The following FBXL2 variants were observed in gnomAD, a reference collection of about 807,000 sequenced individuals.
The protein encoded by FBXL2 is F-box and leucine rich repeat protein 2.
A neutral mutation model predicts 69.2 loss-of-function variants in FBXL2; 38 were observed. The observed-to-expected ratio is 0.55, with a 90% CI of 0.42 to 0.72. FBXL2 has a LOEUF of 0.72. FBXL2 is among the 30% of genes least tolerant of loss of function. FBXL2 has a pLI of 0.00. For synonymous variants in FBXL2, 192 were observed against 201.3 expected, an observed-to-expected ratio of 0.95 and a Z score of 0.39; for missense variants, 354 against 520.3, an observed-to-expected ratio of 0.68 and a Z score of 3.11.
chr3:33,375,191 G>C, intron 9 of FBXL2, 97 bp from the exon 10 acceptor site: 1 of 1,484,254 alleles, frequency 6.7e-7, no homozygotes, highest in Non-Finnish European at 9.2e-7. Context: ...CTAGTAATCA[G>C]CAACCAAAAC....
intron 2 of FBXL2, among the ~76,000 whole-genome samples, chr3:33,357,473 G>T (rs1357254436): frequency 6.8e-6 from 1 of 147,752 alleles, no homozygotes; most frequent in Non-Finnish European, 1.5e-5. Context: ...GAATATGTAT[G>T]TTTAAGTACA....
intron 2 of FBXL2, among the ~76,000 whole-genome samples, chr3:33,332,769 C>T (rs145612537): frequency 3.3e-5 from 5 of 152,060 alleles, no homozygotes; most frequent in Non-Finnish European, 4.4e-5. Context: ...GATTGTAACA[C>T]GGTGGTATTT....
intron 2 of FBXL2, among the ~76,000 whole-genome samples, chr3:33,350,016 A>G (rs1329192738): frequency 6.6e-6 from 1 of 152,220 alleles, no homozygotes. Context: ...GGGAAATGGA[A>G]GCAGAAGACT....
At position 33,323,965 on chromosome 3, in the gene FBXL2, T is replaced by C. The variant is rs183373083; in HGVS notation, c.65+26240T>C. ...CTATTTCTCCACATCCTCTCCAGCATCTGTTGTTTCCTGACTTTTTAATGA... is the reference window on the plus strand; with the variant it reads ...CTATTTCTCCACATCCTCTCCAGCACCTGTTGTTTCCTGACTTTTTAATGA... On this transcript the variant is annotated intron_variant, in intron 2 of 14. Coordinates refer to ENST00000484457, the MANE Select transcript of FBXL2 (RefSeq NM_012157.5). Among the ~76,000 whole-genome samples the C allele has an allele frequency of 4.6e-5, 7 of 152,278 alleles. 1 individual carries two copies. The highest frequency in any genetic ancestry group is 1.7e-4 in the African/African-American group (7 of 41,558).
rs111740714 is a variant in FBXL2, at chr3:33,293,012, G to T, written c.4-4652G>T. Among the ~76,000 whole-genome samples the T allele has an allele frequency of 3.8e-3, 574 of 152,284 alleles. 2 individuals carry two copies. Among genetic ancestry groups the T allele is most frequent in the South Asian group, 0.019 (92 of 4,822 alleles). On this transcript the variant is annotated intron_variant, in intron 1 of 14. Coordinates refer to ENST00000484457, the MANE Select transcript of FBXL2 (RefSeq NM_012157.5). ...TGCAGCAAAGTGACAAATGCAGGGAGAATTTTTTCTTCTTTTTTCTATTTT... is the reference window on the plus strand; with the variant it reads ...TGCAGCAAAGTGACAAATGCAGGGATAATTTTTTCTTCTTTTTTCTATTTT...
At chr3:33,297,174 T>G (rs544172588) in intron 1 of FBXL2, among the ~76,000 whole-genome samples, 2 of 152,330 alleles carry the variant, frequency 1.3e-5, no homozygotes, top group Admixed American at 1.3e-4. Flanking sequence ...TGGGATTGTT[T>G]TCTGAAGTTT....
In FBXL2 at chr3:33,384,760, G is replaced by A. The variant is rs186733107; in HGVS notation, c.1164+559G>A. On this transcript the variant is annotated intron_variant, in intron 14 of 14. Transcript: ENST00000484457. ...GCCCTTATAAGAAAGCCTATGTTGG[G>A]ATGGGCGCGGTGGCTCACGACTCTA... Among the ~76,000 whole-genome samples the A allele has an allele frequency of 7.8e-3, 1,176 of 151,694 alleles. 7 individuals carry two copies. The highest frequency in any genetic ancestry group is 0.011 in the Non-Finnish European group (747 of 67,862).
chr3:33,303,350 C>A (rs762324423), intron 2 of FBXL2, among the ~76,000 whole-genome samples: 1 of 152,148 alleles, frequency 6.6e-6, no homozygotes, highest in Non-Finnish European at 1.5e-5. Flanking sequence ...TAAAAGCCCT[C>A]ATTTTCATTA....
intron 12 of FBXL2, chr3:33,402,812 A>G (rs1019682682): frequency 1.3e-6 from 2 of 1,586,314 alleles, no homozygotes; most frequent in Non-Finnish European, 1.7e-6. Flanking sequence ...TGTCTGGGAC[A>G]CTGCAAGTGC....
intron 1 of FBXL2, among the ~76,000 whole-genome samples, chr3:33,283,712 G>A (rs1299233922): frequency 6.6e-6 from 1 of 152,104 alleles, no homozygotes; most frequent in Non-Finnish European, 1.5e-5. Context: ...ATTAATTATT[G>A]CCTCAATTTC....
intron 2 of FBXL2, among the ~76,000 whole-genome samples, chr3:33,313,782 A>G (rs1235032510): frequency 6.6e-6 from 1 of 152,108 alleles, no homozygotes; most frequent in East Asian, 1.9e-4. Context: ...ATCAGTCCAT[A>G]TTCAATTTCC....
intron 2 of FBXL2, among the ~76,000 whole-genome samples, chr3:33,299,330 C>T (rs4074095): frequency 0.021 from 3,253 of 152,304 alleles, 109 homozygotes; most frequent in African/African-American, 0.073. Context: ...GCGTGAGCCA[C>T]TGCGCCCGGC....
Position 33,359,006 on chromosome 3 carries a change from T to C in FBXL2, c.105T>C (p.Cys35=), listed in dbSNP as rs755121995. 1 of 1,554,306 alleles carries C rather than the reference T, an allele frequency of 6.4e-7. No individual in the cohort carries two copies. The highest frequency in any genetic ancestry group is 2.3e-5 in the East Asian group (1 of 43,668). ...SFLDIVTLCR[C]AQISKAWNIL... ...TGGATATAGTAACTTTGTGCCGATG[T>C]GCACAGATTTCCAAGGTAGAGTATT... Residue 35 remains cysteine, a synonymous_variant, in exon 3 of 15, where the codon TGT becomes TGC. Transcript: ENST00000484457.
At chr3:33,314,342 C>T (rs2037482080) in intron 2 of FBXL2, among the ~76,000 whole-genome samples, 1 of 152,092 alleles carries the variant, frequency 6.6e-6, no homozygotes, top group Non-Finnish European at 1.5e-5. Flanking sequence ...TTTCCCAGCC[C>T]CTAGCAACCA....
At chr3:33,289,642 G>A in intron 1 of FBXL2, 1 of 404,088 alleles carries the variant, frequency 2.5e-6, no homozygotes, top group South Asian at 1.0e-4. Context: ...CTGCACATAG[G>A]CTGGAGTGAC....
intron 1 of FBXL2, among the ~76,000 whole-genome samples, chr3:33,282,563 G>GT (rs1366135532): frequency 2.6e-5 from 4 of 152,150 alleles, no homozygotes; most frequent in Non-Finnish European, 4.4e-5. Context: ...CTTTAAAGTA[G>GT]TTTTTTCCAA....
intron 13 of FBXL2, among the ~76,000 whole-genome samples, chr3:33,379,131 C>T (rs1559637517): frequency 2.0e-5 from 3 of 151,828 alleles, no homozygotes; most frequent in Non-Finnish European, 2.9e-5. Context: ...CTCAGCCTTG[C>T]GGGGGGATTA....
intron 5 of FBXL2, among the ~76,000 whole-genome samples, chr3:33,367,150 C>CA (rs2042006198): frequency 1.3e-5 from 2 of 151,824 alleles, no homozygotes; most frequent in African/African-American, 4.8e-5. Context: ...GGCTGGAGTG[C>CA]AATGGCACAG....
rs148782324 is a variant in FBXL2, at chr3:33,280,613, G to A, written c.3+3098G>A. ...GGTCCTACCTATTTGGGCAGCTGAGGCGGAAGGATCGATCCCTTGAGTCCA... is the reference window on the plus strand; with the variant it reads ...GGTCCTACCTATTTGGGCAGCTGAGACGGAAGGATCGATCCCTTGAGTCCA... On this transcript the variant is annotated intron_variant, in intron 1 of 14. Coordinates refer to ENST00000484457, the MANE Select transcript of FBXL2 (RefSeq NM_012157.5). Among the ~76,000 whole-genome samples, 1,093 of 151,532 alleles carry A rather than the reference G, an allele frequency of 7.2e-3. 4 individuals carry two copies. The highest frequency in any genetic ancestry group is 0.014 in the Middle Eastern group (4 of 294).
Sources: allele counts gnomAD v4.1 joint callset (sites outside exome capture counted in the v4.1 genomes callset), GRCh38; gene constraint gnomAD v4.1.1; transcripts MANE v1.5; gene names NCBI Gene and HGNC (gene_info 2026-07-23, HGNC 2026-07-21).